The following ZNG1A variants were observed in gnomAD, a reference collection of about 807,000 sequenced individuals.
ZNG1A encodes the protein zinc-regulated GTPase metalloprotein activator 1A.
the ZNG1A span, among the ~76,000 whole-genome samples, chr9:160,627 T>G: frequency 3.3e-5 from 5 of 151,730 alleles, no homozygotes; most frequent in Admixed American, 1.3e-4. Flanking sequence ...ATGCTGATAA[T>G]AGATTCTATT....
chr9:158,473 G>C, the ZNG1A span, among the ~76,000 whole-genome samples: 4 of 150,558 alleles, frequency 2.7e-5, no homozygotes, highest in South Asian at 4.2e-4. Flanking sequence ...GTATGAAATT[G>C]CGGTTATTTG....
At chr9:152,515 T>TG in the ZNG1A span, among the ~76,000 whole-genome samples, 2 of 152,012 alleles carry the variant, frequency 1.3e-5, no homozygotes, top group African/African-American at 4.8e-5. Context: ...AAAACCTAGT[T>TG]GCAAGTTGCT....
chr9:172,439 G>A, the ZNG1A span: 2 of 336,550 alleles, frequency 5.9e-6, no homozygotes, highest in East Asian at 5.6e-5. Flanking sequence ...ATCTGACCAA[G>A]TATCTTTTTA....
At chr9:138,170 AT>A in the ZNG1A span, among the ~76,000 whole-genome samples, 1 of 152,138 alleles carries the variant, frequency 6.6e-6, no homozygotes, top group Non-Finnish European at 1.5e-5. Context: ...TACCTTTATA[AT>A]TTTAACCGTA....
the ZNG1A span, chr9:122,313 C>T: frequency 3.5e-6 from 5 of 1,414,322 alleles, no homozygotes; most frequent in Non-Finnish European, 4.6e-6. Flanking sequence ...TCTTTTTGAA[C>T]AATCCCCTTT....
At chr9:163,495 G>C in the ZNG1A span, among the ~76,000 whole-genome samples, 3 of 151,718 alleles carry the variant, frequency 2.0e-5, no homozygotes, top group African/African-American at 4.8e-5. Context: ...CACTGTCTGG[G>C]GTTTTTTAAT....
the ZNG1A span, among the ~76,000 whole-genome samples, chr9:138,380 T>G: frequency 3.2e-5 from 4 of 124,414 alleles, no homozygotes; most frequent in Non-Finnish European, 5.0e-5. Flanking sequence ...TCAATCAATT[T>G]CTTTTTTCTT....
chr9:172,181 T>C, the ZNG1A span: 90 of 1,610,326 alleles, frequency 5.6e-5, no homozygotes, highest in Non-Finnish European at 7.1e-5. Flanking sequence ...CCCTGGAGAA[T>C]ACCAAAACAT....
the ZNG1A span, among the ~76,000 whole-genome samples, chr9:136,170 C>T: frequency 1.4e-5 from 1 of 69,318 alleles, no homozygotes; most frequent in East Asian, 4.5e-4. Context: ...TTCATGCCCT[C>T]GATTTTTTCC....
At chr9:158,515 G>A in the ZNG1A span, among the ~76,000 whole-genome samples, 1 of 150,172 alleles carries the variant, frequency 6.7e-6, no homozygotes, top group South Asian at 2.1e-4. Context: ...AAAATGATAT[G>A]ACAGAAGAAT....
chr9:175,313 G>A, the ZNG1A span, among the ~76,000 whole-genome samples: 1 of 151,700 alleles, frequency 6.6e-6, no homozygotes, highest in Non-Finnish European at 1.5e-5. Context: ...AGGAGACAGA[G>A]GTGGCAGTGA....
At chr9:151,800 T>TA in the ZNG1A span, 105 of 555,784 alleles carry the variant, frequency 1.9e-4, 4 homozygotes, top group African/African-American at 1.7e-3. Flanking sequence ...AGCAAACACT[T>TA]ACACAGTGTT....
chr9:151,417 A>G, the ZNG1A span: 1 of 945,866 alleles, frequency 1.1e-6, no homozygotes, highest in Non-Finnish European at 1.2e-6. Context: ...TGAGTCTATT[A>G]GCTGCTGAGC....
chr9:172,821 T>A, the ZNG1A span: 1 of 177,434 alleles, frequency 5.6e-6, no homozygotes, highest in East Asian at 1.7e-4. Context: ...TGCTACTATG[T>A]GTTGGGTAAC....
At chr9:162,531 C>G in the ZNG1A span, 1 of 1,557,866 alleles carries the variant, frequency 6.4e-7, no homozygotes, top group Non-Finnish European at 8.7e-7. Context: ...ATTTGTACAA[C>G]CATACTTCAA....
At chr9:140,449 G>A in the ZNG1A span, among the ~76,000 whole-genome samples, 1 of 150,906 alleles carries the variant, frequency 6.6e-6, no homozygotes, top group Non-Finnish European at 1.5e-5. Flanking sequence ...TGCAGCTGAA[G>A]GTCGTGTCTG....
chr9:142,805 A>T, the ZNG1A span, among the ~76,000 whole-genome samples: 1 of 135,774 alleles, frequency 7.4e-6, no homozygotes, highest in Non-Finnish European at 1.5e-5. Context: ...AGCAAGACTA[A>T]TAAAGAAAAA....
the ZNG1A span, among the ~76,000 whole-genome samples, chr9:130,486 G>C: frequency 2.6e-5 from 3 of 117,208 alleles, no homozygotes; most frequent in African/African-American, 1.0e-4. Flanking sequence ...GGCTGGAGTA[G>C]AGTGGCACAA....
chr9:145,312 T>C, the ZNG1A span, among the ~76,000 whole-genome samples: 8 of 150,186 alleles, frequency 5.3e-5, no homozygotes, highest in Non-Finnish European at 1.2e-4. Flanking sequence ...TGTCCAACAA[T>C]GATAGACTGG....
Sources: gnomAD v4.1 joint callset for allele counts (sites outside exome capture counted in the v4.1 genomes callset) on GRCh38, gnomAD v4.1.1 for gene constraint, MANE v1.5 for transcripts, NCBI Gene and HGNC (gene_info 2026-07-23, HGNC 2026-07-21) for gene names.